The following NAALADL2 variants were observed in gnomAD, a reference collection of about 807,000 sequenced individuals.
NAALADL2 encodes the protein N-acetylated alpha-linked acidic dipeptidase like 2.
NAALADL2 carries 76 observed loss-of-function variants against 87.2 expected under a neutral mutation model. That is an observed-to-expected ratio of 0.87 (90% CI 0.72 to 1.05). The LOEUF (loss-of-function observed/expected upper bound fraction) is 1.05. Among genes scored for constraint, NAALADL2 ranks in the 50% least tolerant of loss-of-function variants. NAALADL2 has a pLI of 0.00. For synonymous variants in NAALADL2, 354 were observed against 331.0 expected (o/e 1.07, Z -0.75); for missense variants, 1,089 against 945.8 (o/e 1.15, Z -1.99).
intron 4 of NAALADL2, among the ~76,000 whole-genome samples, chr3:175,306,850 A>G (rs968422458): frequency 5.9e-5 from 9 of 152,142 alleles, no homozygotes; most frequent in Admixed American, 1.3e-4. Context: ...GAGATACTCT[A>G]TAGGACTATT....
At chr3:175,473,500 T>A (rs962887660) in intron 9 of NAALADL2, among the ~76,000 whole-genome samples, 1 of 152,014 alleles carries the variant, frequency 6.6e-6, no homozygotes, top group Non-Finnish European at 1.5e-5. Context: ...GATAGCATTA[T>A]GTAATTTCAA....
chr3:175,238,417 C>T (rs764290675), intron 3 of NAALADL2, among the ~76,000 whole-genome samples: 9 of 151,928 alleles, frequency 5.9e-5, no homozygotes, highest in South Asian at 2.1e-4. Context: ...AAATGCAATA[C>T]GGATAAACCT....
rs11302779 is a variant in NAALADL2, at chr3:175,593,981, CTT to C, written c.1800+17806_1800+17807del. 4.2e-3 allele frequency among the ~76,000 whole-genome samples: 622 copies of C among 148,030 alleles called. 7 individuals are homozygous for C. The highest frequency in any genetic ancestry group is 0.011 in the African/African-American group (449 of 40,228). ...TTTCTTACTTGATCATGTTGCTATT[CTT>C]TTTTTTTTTTTAATTTCAACTTTTC... On this transcript the variant is annotated intron_variant, in intron 10 of 13. Transcript: ENST00000454872.
intron 3 of NAALADL2, among the ~76,000 whole-genome samples, chr3:174,779,730 A>G (rs1715697505): frequency 1.3e-5 from 2 of 152,106 alleles, no homozygotes; most frequent in Non-Finnish European, 2.9e-5. Flanking sequence ...TAAATAGAAA[A>G]TCCTTTCCCC....
At position 174,806,291 on chromosome 3, in the gene NAALADL2, T is replaced by C. The variant is rs150778519; in HGVS notation, c.-9+68545T>C. Among the ~76,000 whole-genome samples the C allele has an allele frequency of 6.3e-3, 958 of 152,276 alleles. 9 individuals carry two copies. Among genetic ancestry groups the C allele is most frequent in the Middle Eastern group, 0.024 (7 of 294 alleles). On this transcript the variant is annotated intron_variant, in intron 3 of 3. Coordinates refer to the NAALADL2 transcript ENST00000434257. ...CTCCTCTACAGTCCCAATTATTGCC[T>C]CAGCCAACACCACAGGGACATCTGG...
chr3:174,836,211 C>T (rs764002818), intron 3 of NAALADL2, among the ~76,000 whole-genome samples: 10 of 152,160 alleles, frequency 6.6e-5, no homozygotes, highest in East Asian at 5.8e-4. Context: ...GTAGTCATTA[C>T]GCAAAGTGAA....
At chr3:174,838,127 T>A (rs796295937) in intron 3 of NAALADL2, among the ~76,000 whole-genome samples, 24 of 148,680 alleles carry the variant, frequency 1.6e-4, no homozygotes, top group African/African-American at 5.2e-4. Flanking sequence ...CAACAACGTA[T>A]CAAAAAGATA....
chr3:174,875,787 A>G (rs960605390), intron 1 of NAALADL2, among the ~76,000 whole-genome samples: 1 of 152,172 alleles, frequency 6.6e-6, no homozygotes, highest in African/African-American at 2.4e-5. Flanking sequence ...TCTTAAAGTA[A>G]TATCTTGCTG....
intron 9 of NAALADL2, among the ~76,000 whole-genome samples, chr3:175,510,033 T>A (rs1730924442): frequency 6.7e-6 from 1 of 149,310 alleles, no homozygotes. Flanking sequence ...CCCAGTGTGA[T>A]GTTCCTCTTC....
intron 2 of NAALADL2, among the ~76,000 whole-genome samples, chr3:175,175,642 A>G (rs1248031508): frequency 6.6e-6 from 1 of 152,086 alleles, no homozygotes. Flanking sequence ...TTCAACAGTT[A>G]ATTAAGTGGC....
intron 5 of NAALADL2, among the ~76,000 whole-genome samples, chr3:175,421,348 G>A (rs1456374325): frequency 6.6e-6 from 1 of 152,042 alleles, no homozygotes; most frequent in East Asian, 1.9e-4. Context: ...TGATTTCTCA[G>A]TCTCCACTCC....
chr3:175,402,424 G>C (rs745373285), intron 5 of NAALADL2, among the ~76,000 whole-genome samples: 1 of 152,008 alleles, frequency 6.6e-6, no homozygotes, highest in Non-Finnish European at 1.5e-5. Flanking sequence ...TGCTTTTAGA[G>C]TGATCATTGC....
At chr3:174,659,529 A>G (rs1216810278) in intron 2 of NAALADL2, among the ~76,000 whole-genome samples, 1 of 152,086 alleles carries the variant, frequency 6.6e-6, no homozygotes, top group Non-Finnish European at 1.5e-5. Flanking sequence ...AACTGTGCTG[A>G]TTCTTTCCTT....
intron 6 of NAALADL2, chr3:175,460,121 G>A (rs180828459): frequency 4.6e-5 from 21 of 456,032 alleles, no homozygotes; most frequent in African/African-American, 2.0e-4. Flanking sequence ...TTGCTATGAA[G>A]AGTAATATTG....
chr3:174,519,341 T>C (rs1164375759), intron 1 of NAALADL2, among the ~76,000 whole-genome samples: 2 of 151,486 alleles, frequency 1.3e-5, no homozygotes, highest in Non-Finnish European at 2.9e-5. Flanking sequence ...TTTTTTTTTT[T>C]TTTGAGACAG....
chr3:175,320,432 A>C (rs189235585), intron 4 of NAALADL2, among the ~76,000 whole-genome samples: 120 of 152,024 alleles, frequency 7.9e-4, no homozygotes, highest in Admixed American at 2.6e-3. Context: ...TCAGAAGGAG[A>C]CCCCCATAAG....
chr3:175,709,928 A>G (rs749256590), intron 11 of NAALADL2, among the ~76,000 whole-genome samples: 71 of 152,072 alleles, frequency 4.7e-4, no homozygotes, highest in Admixed American at 4.0e-3. Flanking sequence ...GTACAGGTCT[A>G]AGTGTGATGC....
At position 175,124,340 on chromosome 3, in the gene NAALADL2, G is replaced by A. The variant is rs1342625554; in HGVS notation, c.545+27049G>A. 11 of 152,100 alleles carry A rather than the reference G, an allele frequency of 7.2e-5. No homozygotes were observed. In the East Asian group the frequency reaches 9.7e-4, roughly 13 times the overall value. 9.4% of individuals were successfully genotyped at this position (152,100 alleles called of 1,614,324 possible). A position where few individuals can be genotyped will look rare whatever the true frequency, so the allele number is the denominator to read the frequency against. ...ACTGTTGTTGGTTCAGTTGATCATTGATGATGTCACAAACCCATGCACATT... is the reference window on the plus strand; with the variant it reads ...ACTGTTGTTGGTTCAGTTGATCATTAATGATGTCACAAACCCATGCACATT... On this transcript the variant is annotated intron_variant, in intron 2 of 13. Transcript: ENST00000454872.
At chr3:175,166,399 A>G (rs1472073795) in intron 2 of NAALADL2, among the ~76,000 whole-genome samples, 3 of 152,032 alleles carry the variant, frequency 2.0e-5, no homozygotes, top group Non-Finnish European at 2.9e-5. Flanking sequence ...ACTGTCTTCT[A>G]GCTTTATTCC....
Sources: gnomAD v4.1 joint callset for allele counts (sites outside exome capture counted in the v4.1 genomes callset) on GRCh38, gnomAD v4.1.1 for gene constraint, MANE v1.5 for transcripts, NCBI Gene and HGNC (gene_info 2026-07-23, HGNC 2026-07-21) for gene names.